GPM6A: variants seen among roughly 807,000 people sequenced by gnomAD.
GPM6A encodes the protein neuronal membrane glycoprotein M6-a.
In GPM6A, 7 loss-of-function variants were observed where a neutral mutation model predicts 32.1. That is an observed-to-expected ratio of 0.22 (90% CI 0.12 to 0.41). GPM6A has a LOEUF of 0.41. Among genes scored for constraint, GPM6A ranks in the 10% least tolerant of loss-of-function variants. GPM6A has a pLI of 1.00. For missense variants in GPM6A, 235 were observed against 347.2 expected (o/e 0.68, Z 2.57); for synonymous variants, 130 against 123.4 (o/e 1.05, Z -0.35).
At chr4:175,755,310 C>T (rs1035134615) in intron 1 of GPM6A, among the ~76,000 whole-genome samples, 3 of 151,926 alleles carry the variant, frequency 2.0e-5, no homozygotes, top group Non-Finnish European at 4.4e-5. Context: ...TTAGCTATAC[C>T]TAAAATAACT....
intron 1 of GPM6A, among the ~76,000 whole-genome samples, chr4:175,946,780 G>A (rs187154911): frequency 2.6e-5 from 4 of 152,020 alleles, no homozygotes; most frequent in Admixed American, 1.3e-4. Context: ...AGCATTCTGG[G>A]GCTTGGATTT....
intron 3 of GPM6A, among the ~76,000 whole-genome samples, chr4:175,662,762 T>G (rs1742503920): frequency 6.6e-6 from 1 of 152,018 alleles, no homozygotes; most frequent in African/African-American, 2.4e-5. Context: ...TATGGATAGA[T>G]AGATATGAAA....
In GPM6A at chr4:175,832,499, C is replaced by A. The variant is rs1021474202; in HGVS notation, c.-22-20250G>T. On this transcript the variant is annotated intron_variant, in intron 1 of 7. Transcript: ENST00000280187. ...TATGCATCATAAATTGTGGTAGGTACTAAAAACATAGAAATGAAGTAAACG... is the reference window on the plus strand; with the variant it reads ...TATGCATCATAAATTGTGGTAGGTAATAAAAACATAGAAATGAAGTAAACG... Among the ~76,000 whole-genome samples, 3 of 119,958 alleles carry A rather than the reference C, an allele frequency of 2.5e-5. No homozygotes were observed. In the Admixed American group the frequency reaches 2.9e-4, roughly 12 times the overall value. The allele number at this position is 119,958 out of a possible 152,430, so 78.7% of individuals were successfully genotyped here. A position where few individuals can be genotyped will look rare whatever the true frequency, so the allele number is the denominator to read the frequency against.
intron 1 of GPM6A, among the ~76,000 whole-genome samples, chr4:175,958,376 T>C (rs144311956): frequency 7.2e-4 from 109 of 152,342 alleles, no homozygotes; most frequent in African/African-American, 2.3e-3. Context: ...CAGAGGCATG[T>C]TTACTGTTCC....
intron 1 of GPM6A, among the ~76,000 whole-genome samples, chr4:175,933,630 C>T (rs1190813036): frequency 6.6e-6 from 1 of 152,182 alleles, no homozygotes; most frequent in African/African-American, 2.4e-5. Context: ...GCAAGCTCCG[C>T]CTCCCGAGTT....
chr4:175,692,690 CATAA>C (rs1431523829), intron 2 of GPM6A, among the ~76,000 whole-genome samples: 5 of 151,960 alleles, frequency 3.3e-5, no homozygotes, highest in Non-Finnish European at 5.9e-5. Context: ...ATGTCAAATA[CATAA>C]ATATTTTCTT....
intron 1 of GPM6A, among the ~76,000 whole-genome samples, chr4:175,727,767 G>T (rs1395771032): frequency 6.6e-6 from 1 of 152,180 alleles, no homozygotes; most frequent in Non-Finnish European, 1.5e-5. Context: ...ACTTTGGGAG[G>T]CCTAGGTGGG....
intron 1 of GPM6A, among the ~76,000 whole-genome samples, chr4:175,932,823 AAAT>A (rs1739094957): frequency 6.6e-6 from 1 of 152,126 alleles, no homozygotes; most frequent in Non-Finnish European, 1.5e-5. Context: ...CTAAAACTAA[AAAT>A]AAAATATGGT....
At chr4:175,661,805 T>C (rs1010943259) in intron 3 of GPM6A, among the ~76,000 whole-genome samples, 13 of 152,152 alleles carry the variant, frequency 8.5e-5, no homozygotes, top group African/African-American at 3.1e-4. Flanking sequence ...AACACAAAAA[T>C]AGCTCTTAAA....
intron 1 of GPM6A, among the ~76,000 whole-genome samples, chr4:175,952,599 C>T (rs940993469): frequency 6.6e-6 from 1 of 152,174 alleles, no homozygotes; most frequent in Non-Finnish European, 1.5e-5. Context: ...TTAATCCATT[C>T]ACTCATTCCA....
chr4:175,742,906 G>A (rs1011375246), intron 1 of GPM6A, among the ~76,000 whole-genome samples: 1 of 152,000 alleles, frequency 6.6e-6, no homozygotes, highest in African/African-American at 2.4e-5. Context: ...CAGCACTTAG[G>A]TAGGCAGATG....
At chr4:176,002,004 C>T (rs2126479029) in intron 1 of GPM6A, among the ~76,000 whole-genome samples, 1 of 152,300 alleles carries the variant, frequency 6.6e-6, no homozygotes, top group East Asian at 1.9e-4. Flanking sequence ...GACCGGACCC[C>T]CAGGCTTGGG....
At chr4:175,849,815 A>C (rs1261056698) in intron 1 of GPM6A, among the ~76,000 whole-genome samples, 2 of 152,172 alleles carry the variant, frequency 1.3e-5, no homozygotes, top group East Asian at 3.8e-4. Flanking sequence ...TGAGGAAAGG[A>C]ATATTGGTCC....
intron 1 of GPM6A, among the ~76,000 whole-genome samples, chr4:175,995,449 C>A (rs888528908): frequency 6.7e-6 from 1 of 149,482 alleles, no homozygotes; most frequent in Non-Finnish European, 1.5e-5. Context: ...AGACAGGGTA[C>A]GCCTGTATAT....
chr4:175,636,207 G>A (rs1222967934), intron 6 of GPM6A, among the ~76,000 whole-genome samples: 1 of 145,118 alleles, frequency 6.9e-6, no homozygotes, highest in Admixed American at 7.0e-5. Context: ...AGCAGGGGCT[G>A]TGAGTTATAT....
chr4:175,643,408 T>C (rs1741269277), intron 4 of GPM6A, among the ~76,000 whole-genome samples: 1 of 152,164 alleles, frequency 6.6e-6, no homozygotes, highest in African/African-American at 2.4e-5. Context: ...TACTGTCTTG[T>C]TCTACTTCAG....
intron 2 of GPM6A, among the ~76,000 whole-genome samples, chr4:175,687,487 T>G (rs1478049276): frequency 6.6e-6 from 1 of 151,904 alleles, no homozygotes; most frequent in Non-Finnish European, 1.5e-5. Context: ...TTCCATCTAG[T>G]ATCACAATGA....
At chr4:175,976,328 A>ATTTTTTTTTTTTTTTTTTTTTTT (rs34163669) in intron 1 of GPM6A, among the ~76,000 whole-genome samples, 4 of 137,350 alleles carry the variant, frequency 2.9e-5, no homozygotes, top group East Asian at 2.1e-4. Flanking sequence ...CGCCTGGCTA[A>ATTTTTTTTTTTTTTTTTTTTTTT]TTTTTTTTTT....
intron 1 of GPM6A, among the ~76,000 whole-genome samples, chr4:175,757,170 C>T: frequency 6.6e-6 from 1 of 152,052 alleles, no homozygotes; most frequent in Non-Finnish European, 1.5e-5. Flanking sequence ...GGGAGTGCTG[C>T]TTCAGTCACC....
Sources: gnomAD v4.1 joint callset for allele counts (sites outside exome capture counted in the v4.1 genomes callset) on GRCh38, gnomAD v4.1.1 for gene constraint, MANE v1.5 for transcripts, NCBI Gene and HGNC (gene_info 2026-07-23, HGNC 2026-07-21) for gene names.